The following TMCO6 variants were observed in gnomAD, a reference collection of about 807,000 sequenced individuals.
TMCO6 encodes transmembrane and coiled-coil domain-containing protein 6.
A neutral mutation model predicts 61.8 loss-of-function variants in TMCO6; 47 were observed. The observed-to-expected ratio is 0.76, with a 90% confidence interval of 0.60 to 0.97. The LOEUF (loss-of-function observed/expected upper bound fraction) is 0.97, where lower values mean the gene tolerates loss of function less well. TMCO6 is among the 50% of genes least tolerant of loss of function. TMCO6 has a pLI of 0.00. For missense variants in TMCO6, 557 were observed against 601.6 expected (o/e 0.93, Z 0.78); for synonymous variants, 261 against 254.2 (o/e 1.03, Z -0.25).
At position 140,641,759 on chromosome 5, in the gene TMCO6, A is replaced by C. The variant is rs771677751; in HGVS notation, c.293A>C (p.Glu98Ala). The change falls in exon 3 of 12, where the codon GAA (glutamate) becomes GCA (alanine). Residue 98 changes from glutamate to alanine, a missense_variant. Coordinates refer to ENST00000394671, the MANE Select transcript of TMCO6 (RefSeq NM_018502.5). ...VSLRRGLQHP[E>A]TQQTFIRLEG... is the part of the protein sequence containing the mutation. ...CTTCGTCGAGGCTTGCAGCACCCTG[A>C]AACACAGCAAACCTTCATCCGGTCA... 12 of 1,614,214 alleles carry C rather than the reference A, an allele frequency of 7.4e-6. No individual in the cohort carries two copies. Among genetic ancestry groups the C allele is most frequent in the Non-Finnish European group, 1.0e-5 (12 of 1,180,040 alleles).
At position 140,643,798 on chromosome 5, in the gene TMCO6, C is replaced by T. The variant is rs572885706; in HGVS notation, c.937C>T (p.Arg313Ter). 1.4e-5 allele frequency: 22 copies of T among 1,614,132 alleles called. No homozygotes were observed. The East Asian group carries it at 2.5e-4, about 18-fold the overall frequency. The part of the protein sequence containing the change: ...GLELLACPVL[R>*]CLSNLLTEAA... Reference sequence around the variant, plus strand: ...TTTGCAGCTGGCATGCCCCGTGCTTCGATGTCTAAGCAACCTGCTAACTGA... The same window carrying T: ...TTTGCAGCTGGCATGCCCCGTGCTTTGATGTCTAAGCAACCTGCTAACTGA... The change falls in exon 9 of 12, where the codon CGA (arginine) becomes TGA (stop). Residue 313 changes from arginine (R) to a stop codon, truncating the protein, a stop_gained. Transcript: ENST00000394671. LOFTEE classifies it high-confidence loss of function.
At chr5:140,639,956 TC>T (rs1472843195) in intron 2 of TMCO6, 105 bp downstream of exon 2, 1 of 912,120 alleles carries the variant, frequency 1.1e-6, no homozygotes, top group South Asian at 1.5e-5. Context: ...ACTCTACACT[TC>T]CACGCATCCA....
chr5:140,644,455 T>G, intron 10 of TMCO6, 118 bp from the exon 11 acceptor site: 1 of 1,210,208 alleles, frequency 8.3e-7, no homozygotes, highest in Non-Finnish European at 1.2e-6. Flanking sequence ...TATGAGAACA[T>G]GTATGTAGAA....
chr5:140,610,211 G>T, the TMCO6 span, among the ~76,000 whole-genome samples: 2 of 105,058 alleles, frequency 1.9e-5, no homozygotes, highest in Non-Finnish European at 1.9e-5. Flanking sequence ...AAAAAAAAAA[G>T]CCAGGCGTGG....
In TMCO6 at chr5:140,639,621, G is replaced by C; in HGVS notation, c.85+9G>C. The stretch of plus-strand genomic sequence containing the variant: ...GCGGGAGCGGGAGGCAGGTGTGGGC[G>C]GCCGAGGGAGCGCGGGGGTATATGG... On this transcript the variant is annotated intron_variant, in intron 1 of 11. Transcript: ENST00000394671. 1 of 1,540,898 alleles carries C rather than the reference G, an allele frequency of 6.5e-7. No homozygotes were observed. Among genetic ancestry groups the C allele is most frequent in the Non-Finnish European group, 8.8e-7 (1 of 1,141,600 alleles).
chr5:140,628,348 C>G, the TMCO6 span, among the ~76,000 whole-genome samples: 1 of 152,158 alleles, frequency 6.6e-6, no homozygotes, highest in African/African-American at 2.4e-5. Context: ...TGCGGCCCAG[C>G]AGGTCTCAGT....
At position 140,642,957 on chromosome 5, in the gene TMCO6, T is replaced by G. The variant is rs772082256; in HGVS notation, c.722T>G (p.Met241Arg). The G allele has an allele frequency of 3.1e-5, 50 of 1,614,064 alleles. No individual in the cohort carries two copies. The highest frequency in any genetic ancestry group is 4.2e-5 in the Non-Finnish European group (49 of 1,180,034). The change falls in exon 7 of 12, where the codon ATG (methionine) becomes AGG (arginine). Residue 241 changes from methionine to arginine, a missense_variant. Transcript: ENST00000394671. ...SILASTLPQH[M>R]LQMLQPGPKL... ...TTGGCCTCCACTCTCCCTCAGCACA[T>G]GCTACAAATGTTGCAACCTGGCCCA...
chr5:140,614,263 C>G, the TMCO6 span, among the ~76,000 whole-genome samples: 1 of 152,134 alleles, frequency 6.6e-6, no homozygotes, highest in South Asian at 2.1e-4. Context: ...AATCCCAGCA[C>G]TTTGGGAGGT....
At chr5:140,638,565 C>A (rs78267484), upstream of TMCO6, among the ~76,000 whole-genome samples, 1 of 89,250 alleles carries the variant, frequency 1.1e-5, no homozygotes, top group Non-Finnish European at 2.3e-5. Flanking sequence ...TTCTTTCTTT[C>A]TTTTTTTTTT....
chr5:140,619,890 A>ACTCTGGTGAG, the TMCO6 span, among the ~76,000 whole-genome samples: 1 of 152,252 alleles, frequency 6.6e-6, no homozygotes, highest in African/African-American at 2.4e-5. Context: ...TACTGACAAC[A>ACTCTGGTGAG]ACAAATGCTG....
At chr5:140,613,915 T>C in the TMCO6 span, among the ~76,000 whole-genome samples, 1 of 151,468 alleles carries the variant, frequency 6.6e-6, no homozygotes, top group Non-Finnish European at 1.5e-5. Context: ...TGTTGTTGTT[T>C]TGAGAAGGAG....
At position 140,644,753 on chromosome 5, in the gene TMCO6, G is replaced by C. The variant is rs1324895950; in HGVS notation, c.1368+13G>C. The C allele has an allele frequency of 6.2e-7, 1 of 1,613,780 alleles. No homozygotes were observed. Among genetic ancestry groups the C allele is most frequent in the South Asian group, 1.1e-5 (1 of 91,060 alleles). ...GTATCAGCCAGAGGTATAGGTTTCT[G>C]GCCCACATCCTCAGTCACCCCTGTT... On this transcript the variant is annotated intron_variant, in intron 11 of 11. Coordinates refer to ENST00000394671, the MANE Select transcript of TMCO6 (RefSeq NM_018502.5).
chr5:140,602,667 G>A, the TMCO6 span, among the ~76,000 whole-genome samples: 1 of 152,208 alleles, frequency 6.6e-6, no homozygotes, highest in Admixed American at 6.5e-5. Context: ...GGGAGGCTGA[G>A]GCAGGAGAAT....
chr5:140,621,467 T>G, the TMCO6 span, among the ~76,000 whole-genome samples: 1 of 152,194 alleles, frequency 6.6e-6, no homozygotes, highest in East Asian at 1.9e-4. Context: ...TGCCTGTCTT[T>G]ACTTTAATCT....
chr5:140,612,992 T>C, the TMCO6 span, among the ~76,000 whole-genome samples: 1 of 152,158 alleles, frequency 6.6e-6, no homozygotes, highest in Non-Finnish European at 1.5e-5. Flanking sequence ...ACACAATCTC[T>C]GGTCTCATGG....
chr5:140,606,540 T>G, the TMCO6 span, among the ~76,000 whole-genome samples: 5 of 152,330 alleles, frequency 3.3e-5, no homozygotes, highest in East Asian at 9.6e-4. Flanking sequence ...TCTGGCAATA[T>G]ATACATAGTC....
chr5:140,599,800 C>T, the TMCO6 span, among the ~76,000 whole-genome samples: 19 of 152,244 alleles, frequency 1.2e-4, no homozygotes, highest in African/African-American at 4.3e-4. Context: ...AGTCGGGAGG[C>T]TGAGGCAGGA....
chr5:140,639,577 A>G lies in TMCO6; in HGVS notation c.50A>G (p.Glu17Gly), dbSNP rs1756880976. The G allele has an allele frequency of 6.5e-7, 1 of 1,546,532 alleles. No homozygotes were observed. The highest frequency in any genetic ancestry group is 8.7e-7 in the Non-Finnish European group (1 of 1,144,970). ...CTCAGGCCCACGGTCTGCGGGGTGG[A>G]GGAGCTACGGCGCCGCCGGCGGGAG... ...GRLRPTVCGVEELRRRRRERE... is the reference protein window; with the variant it reads ...GRLRPTVCGVGELRRRRRERE... Residue 17 changes from glutamate to glycine, a missense_variant, in exon 1 of 12, where the codon GAG becomes GGG. Physicochemically the swap from Glu to Gly is moderately conservative, Grantham distance 98. Coordinates refer to ENST00000394671, the MANE Select transcript of TMCO6 (RefSeq NM_018502.5).
At chr5:140,632,251 C>T in the TMCO6 span, 1 of 1,613,706 alleles carries the variant, frequency 6.2e-7, no homozygotes, top group Non-Finnish European at 8.5e-7. The surrounding 1 kb of genome is among the most constrained non-coding windows in gnomAD (Gnocchi z 6.2). Flanking sequence ...CCTGCCGCCG[C>T]CAGTGCGGCG....
Sources: gnomAD v4.1 joint callset for allele counts (sites outside exome capture counted in the v4.1 genomes callset) on GRCh38, gnomAD v4.1.1 for gene constraint, Gnocchi (gnomAD v3.1) non-coding constraint, MANE v1.5 for transcripts, NCBI Gene and HGNC (gene_info 2026-07-23, HGNC 2026-07-21) for gene names.